Variants in KLF12 observed in about 807,000 individuals in gnomAD.
KLF12 encodes the protein Krueppel-like factor 12.
KLF12 carries 9 observed loss-of-function variants against 37.8 expected under a neutral mutation model. That is an observed-to-expected ratio of 0.24 (90% CI 0.14 to 0.42). KLF12 has a LOEUF of 0.42. Ranked by LOEUF, KLF12 falls within the 10% of genes least tolerant of loss-of-function variation. The pLI is 1.00. For synonymous variants in KLF12, 208 were observed against 202.1 expected, an observed-to-expected ratio of 1.03 and a Z score of -0.25; for missense variants, 411 against 516.0, an observed-to-expected ratio of 0.80 and a Z score of 1.97.
intron 2 of KLF12, among the ~76,000 whole-genome samples, chr13:73,980,349 A>C (rs1593803050): frequency 6.6e-6 from 1 of 152,316 alleles, no homozygotes; most frequent in East Asian, 1.9e-4. Context: ...AAAAGATAGA[A>C]AAAGATTCTA....
the KLF12 span, among the ~76,000 whole-genome samples, chr13:74,158,031 A>T: frequency 6.6e-6 from 1 of 152,216 alleles, no homozygotes; most frequent in Admixed American, 6.5e-5. Flanking sequence ...ATTATGGCTT[A>T]AAACCATGTT....
At chr13:74,086,596 T>C (rs1339275443) in intron 1 of KLF12, among the ~76,000 whole-genome samples, 1 of 152,084 alleles carries the variant, frequency 6.6e-6, no homozygotes, top group African/African-American at 2.4e-5. Context: ...AGCATTTTTG[T>C]TTAAAGGCTT....
chr13:74,177,707 G>A, the KLF12 span, among the ~76,000 whole-genome samples: 1 of 152,180 alleles, frequency 6.6e-6, no homozygotes, highest in Non-Finnish European at 1.5e-5. Flanking sequence ...ACGAGTTCAG[G>A]TGAGGGAAGG....
At chr13:73,884,245 T>A (rs1887113879) in intron 3 of KLF12, among the ~76,000 whole-genome samples, 1 of 152,332 alleles carries the variant, frequency 6.6e-6, no homozygotes, top group Non-Finnish European at 1.5e-5. Flanking sequence ...TATATTCTTC[T>A]CTTTTCTCAG....
intron 3 of KLF12, among the ~76,000 whole-genome samples, chr13:73,867,278 G>T (rs781361470): frequency 6.6e-6 from 1 of 151,636 alleles, no homozygotes; most frequent in Non-Finnish European, 1.5e-5. Flanking sequence ...AAGAAGGTTG[G>T]TACAGTTATA....
the KLF12 span, among the ~76,000 whole-genome samples, chr13:74,264,026 TTGTACCTG>T: frequency 2.0e-5 from 3 of 152,164 alleles, no homozygotes. Flanking sequence ...AAGTCTGGGA[TTGTACCTG>T]GCATAACTGG....
At chr13:73,862,994 A>G (rs1886004022) in intron 3 of KLF12, among the ~76,000 whole-genome samples, 1 of 152,188 alleles carries the variant, frequency 6.6e-6, no homozygotes, top group Admixed American at 6.5e-5. Context: ...CTACTCATAG[A>G]CAGGATCACA....
intron 6 of KLF12, among the ~76,000 whole-genome samples, chr13:73,756,640 G>A (rs2138016594): frequency 6.6e-6 from 1 of 152,246 alleles, no homozygotes; most frequent in East Asian, 1.9e-4. Flanking sequence ...AGGGCAAATT[G>A]ATGGTTCTAA....
At chr13:73,726,060 G>A (rs1015570016) in intron 6 of KLF12, among the ~76,000 whole-genome samples, 2 of 151,750 alleles carry the variant, frequency 1.3e-5, no homozygotes, top group Admixed American at 6.6e-5. Context: ...TAGTAAAGAC[G>A]GGGTTTCTCC....
the KLF12 span, among the ~76,000 whole-genome samples, chr13:74,223,355 C>A: frequency 6.6e-6 from 1 of 152,182 alleles, no homozygotes; most frequent in African/African-American, 2.4e-5. Flanking sequence ...TTGTGAAAAT[C>A]TACTGAGAAC....
chr13:74,140,465 G>A, the KLF12 span, among the ~76,000 whole-genome samples: 1 of 152,176 alleles, frequency 6.6e-6, no homozygotes, highest in African/African-American at 2.4e-5. Context: ...ATCAGCTTAG[G>A]CAATTAAGAA....
At chr13:73,821,917 T>C (rs759763596) in intron 4 of KLF12, among the ~76,000 whole-genome samples, 18 of 152,260 alleles carry the variant, frequency 1.2e-4, no homozygotes, top group Non-Finnish European at 2.4e-4. Context: ...ACCTATACTT[T>C]GTATTTATAT....
chr13:73,954,342 G>C (rs1287508234), intron 2 of KLF12, among the ~76,000 whole-genome samples: 1 of 152,010 alleles, frequency 6.6e-6, no homozygotes, highest in Non-Finnish European at 1.5e-5. Flanking sequence ...TAAATATTTA[G>C]TTAAAACTTT....
At chr13:73,948,472 G>C (rs1470154205) in intron 2 of KLF12, among the ~76,000 whole-genome samples, 2 of 152,144 alleles carry the variant, frequency 1.3e-5, no homozygotes, top group East Asian at 1.9e-4. Context: ...ATCTGCCTTG[G>C]CCTCCCAAAG....
intron 3 of KLF12, among the ~76,000 whole-genome samples, chr13:73,864,602 T>G (rs1235354048): frequency 6.6e-6 from 1 of 152,128 alleles, no homozygotes; most frequent in Non-Finnish European, 1.5e-5. Context: ...AAGGAAAATA[T>G]TATTGACTAT....
At chr13:73,790,641 C>T (rs1390251915) in intron 5 of KLF12, among the ~76,000 whole-genome samples, 1 of 152,246 alleles carries the variant, frequency 6.6e-6, no homozygotes, top group East Asian at 1.9e-4. Context: ...GGGGCTGACA[C>T]TGCATAGAAA....
intron 2 of KLF12, among the ~76,000 whole-genome samples, chr13:73,956,561 T>C (rs1268508737): frequency 6.6e-6 from 1 of 152,010 alleles, no homozygotes; most frequent in South Asian, 2.1e-4. Context: ...AGAGGAGAGG[T>C]AGTAAAGCAG....
chr13:74,091,163 T>G (rs1269944174), intron 1 of KLF12, among the ~76,000 whole-genome samples: 2 of 152,172 alleles, frequency 1.3e-5, no homozygotes, highest in Non-Finnish European at 2.9e-5. Flanking sequence ...CTCAGATAAC[T>G]GGAAATCCAC....
chr13:73,722,444 T>C (rs1468597887), intron 6 of KLF12, among the ~76,000 whole-genome samples: 1 of 152,186 alleles, frequency 6.6e-6, no homozygotes, highest in African/African-American at 2.4e-5. Context: ...CATGTCAATG[T>C]CTCTCCTATG....
Sources: allele counts gnomAD v4.1 joint callset (sites outside exome capture counted in the v4.1 genomes callset), GRCh38; gene constraint gnomAD v4.1.1; transcripts MANE v1.5; gene names NCBI Gene and HGNC (gene_info 2026-07-23, HGNC 2026-07-21).